FRMPD2: variants seen among roughly 807,000 people sequenced by gnomAD.
FRMPD2 encodes FERM and PDZ domain-containing protein 2.
A neutral mutation model predicts 140.1 loss-of-function variants in FRMPD2; 96 were observed. That is an observed-to-expected ratio of 0.69 (90% confidence interval 0.58 to 0.81). FRMPD2 has a LOEUF of 0.81. FRMPD2 is among the 40% of genes least tolerant of loss of function. The pLI, the probability that FRMPD2 is intolerant of heterozygous loss-of-function variation, is 0.00. For synonymous variants in FRMPD2, 449 were observed against 547.6 expected (o/e 0.82, Z 2.52); for missense variants, 1,240 against 1,447.4 (o/e 0.86, Z 2.32).
At chr10:48,247,880 G>T (rs896481340) in intron 3 of FRMPD2, among the ~76,000 whole-genome samples, 2 of 152,216 alleles carry the variant, frequency 1.3e-5, no homozygotes, top group Non-Finnish European at 2.9e-5. Flanking sequence ...CACCCCTGGG[G>T]TCCTGGCAGT....
At position 48,201,223 on chromosome 10, in the gene FRMPD2, C is replaced by G; in HGVS notation, c.1954+5G>C. ...GTGTATATGGAGAATACAGCTTCTA[C>G]TCACCAAATAAAACATGGGAAGGCT... On this transcript the variant is annotated splice_donor_5th_base_variant and intron_variant, in intron 15 of 28. Transcript: ENST00000374201. 6.2e-7 allele frequency: 1 copy of G among 1,600,870 alleles called. No individual in the cohort carries two copies. Among genetic ancestry groups the G allele is most frequent in the Non-Finnish European group, 8.5e-7 (1 of 1,173,386 alleles).
intron 10 of FRMPD2, among the ~76,000 whole-genome samples, chr10:48,230,655 A>T (rs1197477127): frequency 1.3e-5 from 2 of 152,206 alleles, no homozygotes; most frequent in African/African-American, 4.8e-5. Flanking sequence ...TATGCTTCTA[A>T]AGGAAGGTGA....
chr10:48,185,327 AT>A (rs1838655130), intron 18 of FRMPD2, among the ~76,000 whole-genome samples: 1 of 152,174 alleles, frequency 6.6e-6, no homozygotes, highest in South Asian at 2.1e-4. Flanking sequence ...CTTTTTCTGC[AT>A]TGTACTTAGA....
chr10:48,195,612 C>T (rs1467923046), intron 15 of FRMPD2, among the ~76,000 whole-genome samples: 4 of 152,018 alleles, frequency 2.6e-5, no homozygotes. Context: ...CACTGGTACC[C>T]AACAATTACA....
intron 14 of FRMPD2, chr10:48,201,681 C>T (rs1012428421): frequency 1.5e-5 from 3 of 206,316 alleles, no homozygotes; most frequent in East Asian, 2.4e-4. Flanking sequence ...TCAGCAAGGA[C>T]GGAACCTAAC....
intron 16 of FRMPD2, 89 bp from the exon 17 acceptor site, chr10:48,187,381 T>G (rs1350251099): frequency 8.3e-6 from 9 of 1,078,206 alleles, no homozygotes; most frequent in Non-Finnish European, 1.2e-5. Context: ...GGCAACTTCT[T>G]GGCATTTCTG....
At position 48,239,653 on chromosome 10, in the gene FRMPD2, G is replaced by T. The variant is rs768199259; in HGVS notation, c.740C>A (p.Pro247His). Residue 247 changes from proline to histidine, a missense_variant, in exon 7 of 29, where the codon CCC becomes CAC. This residue lies in a region of FRMPD2 where 1,161 missense variants were observed against 1,055.9 expected (regional missense o/e 1.10). Transcript: ENST00000374201. Reference sequence around the variant, plus strand: ...ACTGTGTGTCAAGGTGCTCCAATGGGGCTCTGGTGAGCTCTGGGTCTCCGT... The same window carrying T: ...ACTGTGTGTCAAGGTGCTCCAATGGTGCTCTGGTGAGCTCTGGGTCTCCGT... ...RSTETQSSPE[P>H]HWSTLTHSHC... 3.1e-6 allele frequency: 5 copies of T among 1,613,948 alleles called. No individual in the cohort carries two copies. The East Asian group carries it at 1.1e-4, about 36-fold the overall frequency.
In FRMPD2 at chr10:48,251,702, G is replaced by A; in HGVS notation, c.26-11C>T. 6.2e-7 allele frequency: 1 copy of A among 1,613,980 alleles called. No homozygotes were observed. Among genetic ancestry groups the A allele is most frequent in the Non-Finnish European group, 8.5e-7 (1 of 1,179,854 alleles). ...AGGACAGGCTCATGCCTACAATAAA[G>A]ACATGCATGTGACAGGGCCTCTGCA... On this transcript the variant is annotated splice_polypyrimidine_tract_variant and intron_variant, in intron 1 of 28. Coordinates refer to ENST00000374201, the MANE Select transcript of FRMPD2 (RefSeq NM_001018071.4).
chr10:48,236,210 T>C (rs537271103), intron 9 of FRMPD2, among the ~76,000 whole-genome samples: 4 of 152,274 alleles, frequency 2.6e-5, no homozygotes, highest in African/African-American at 9.6e-5. Context: ...CCTAGAATAG[T>C]GCCTGGCACC....
intron 1 of FRMPD2, among the ~76,000 whole-genome samples, chr10:48,270,039 G>A (rs1840740407): frequency 6.6e-6 from 1 of 152,192 alleles, no homozygotes; most frequent in African/African-American, 2.4e-5. Flanking sequence ...AACCGAAAGT[G>A]ACTATTTCTG....
intron 1 of FRMPD2, among the ~76,000 whole-genome samples, chr10:48,272,976 T>C (rs1840795013): frequency 6.6e-6 from 1 of 152,226 alleles, no homozygotes; most frequent in South Asian, 2.1e-4. Context: ...GGTATAAGAG[T>C]TCAGCAAAAA....
chr10:48,251,637 G>A lies in FRMPD2; in HGVS notation c.80C>T (p.Ala27Val), dbSNP rs753411911. The change falls in exon 2 of 29, where the codon GCT (alanine) becomes GTT (valine). Residue 27 changes from alanine to valine, a missense_variant. Around this residue, in one of 6 missense-constraint regions of FRMPD2, gnomAD observed 1,161 missense variants for 1,055.9 expected, o/e 1.10. Transcript: ENST00000374201. ...LASALQVRGEALSEEEIWSLL... is the reference protein window; with the variant it reads ...LASALQVRGEVLSEEEIWSLL... ...GGACCAGATTTCCTCCTCAGACAGA[G>A]CTTCACCCCTGACCTGTAGGGCGCT... 6.2e-7 allele frequency: 1 copy of A among 1,614,216 alleles called. No homozygotes were observed. Among genetic ancestry groups the A allele is most frequent in the Non-Finnish European group, 8.5e-7 (1 of 1,180,026 alleles).
chr10:48,236,431 C>T (rs765295031), intron 9 of FRMPD2, 51 bp downstream of exon 9: 30 of 1,542,116 alleles, frequency 1.9e-5, no homozygotes, highest in Admixed American at 1.0e-4. Context: ...CCCGCAACTG[C>T]CCACTTCCCT....
chr10:48,244,774 G>C lies in FRMPD2; in HGVS notation c.375+10C>G, dbSNP rs1040624548. On this transcript the variant is annotated intron_variant, in intron 4 of 28. Coordinates refer to ENST00000374201, the MANE Select transcript of FRMPD2 (RefSeq NM_001018071.4). ...AGCCCGGCAAGACTTGGAGTATCTT[G>C]TTTACAAACCTGATGTGGCGGAACA... 6.2e-7 allele frequency: 1 copy of C among 1,608,602 alleles called. No individual in the cohort carries two copies. Among genetic ancestry groups the C allele is most frequent in the Non-Finnish European group, 8.5e-7 (1 of 1,174,936 alleles).
intron 1 of FRMPD2, among the ~76,000 whole-genome samples, chr10:48,255,957 C>G (rs916928744): frequency 5.9e-5 from 9 of 152,224 alleles, no homozygotes; most frequent in African/African-American, 2.2e-4. Flanking sequence ...CCGCAGACCT[C>G]TTAGGCCAAG....
chr10:48,188,700 G>A (rs1185993071), intron 16 of FRMPD2, among the ~76,000 whole-genome samples: 2 of 152,218 alleles, frequency 1.3e-5, no homozygotes, highest in Admixed American at 1.3e-4. Flanking sequence ...AGCCGAGAGA[G>A]GCGATGATGC....
chr10:48,244,965 G>T, intron 3 of FRMPD2, 116 bp from the exon 4 acceptor site: 1 of 773,414 alleles, frequency 1.3e-6, no homozygotes, highest in East Asian at 2.7e-5. Flanking sequence ...GGCGAGTCTA[G>T]CACCATCTGC....
At chr10:48,190,514 C>T (rs1838804651) in intron 16 of FRMPD2, among the ~76,000 whole-genome samples, 1 of 152,152 alleles carries the variant, frequency 6.6e-6, no homozygotes, top group South Asian at 2.1e-4. Context: ...CCTGCTTCCC[C>T]AACTCCCTCT....
In FRMPD2 at chr10:48,201,338, G is replaced by T. The variant is rs776825435; in HGVS notation, c.1844C>A (p.Thr615Lys). 5.0e-6 allele frequency: 8 copies of T among 1,613,872 alleles called. No homozygotes were observed. In the South Asian group the frequency reaches 8.8e-5, roughly 18 times the overall value. The change falls in exon 15 of 29, where the codon ACA becomes AAA. Residue 615 changes from threonine (T) to lysine (K), a missense_variant. Physicochemically the swap from Thr to Lys is moderately conservative, Grantham distance 78. This residue lies in a region of FRMPD2 where 1,161 missense variants were observed against 1,055.9 expected (regional missense o/e 1.10). Transcript: ENST00000374201. ...GGTCTTGGCTGAATCTGTGACAAAT[G>T]TGTGCTTCTTCCCAGTGACACTGCT... ...ITSSVTGKKH[T>K]FVTDSAKTSK...
Sources: gnomAD v4.1 joint callset for allele counts (sites outside exome capture counted in the v4.1 genomes callset) on GRCh38, gnomAD v4.1.1 for gene constraint, gnomAD v4.1.1 regional missense constraint, MANE v1.5 for transcripts, NCBI Gene and HGNC (gene_info 2026-07-23, HGNC 2026-07-21) for gene names.